RANBP2: variants seen among roughly 807,000 people sequenced by gnomAD.
RANBP2 encodes RAN binding protein 2, also known as E3 SUMO-protein ligase RanBP2.
Under a neutral mutation model 303.6 loss-of-function variants are expected in RANBP2, and 57 were observed. The observed-to-expected ratio is 0.19, with a 90% CI of 0.15 to 0.23. The LOEUF (loss-of-function observed/expected upper bound fraction) is 0.23, where lower values mean the gene tolerates loss of function less well. Ranked by LOEUF, RANBP2 falls within the 10% of genes least tolerant of loss-of-function variation. The pLI is 1.00. For synonymous variants in RANBP2, 1,167 were observed against 1,301.5 expected (o/e 0.90, Z 2.23); for missense variants, 3,138 against 3,780.8 (o/e 0.83, Z 4.46).
chr2:109,419,195 G>GT, the RANBP2 span, among the ~76,000 whole-genome samples: 5,849 of 152,006 alleles, frequency 0.038, 122 homozygotes, highest in African/African-American at 0.062. Flanking sequence ...TTTTGTGTGG[G>GT]TTTTTTTTAA....
chr2:109,692,812 C>A, the RANBP2 span, among the ~76,000 whole-genome samples: 1 of 140,360 alleles, frequency 7.1e-6, no homozygotes, highest in Non-Finnish European at 1.6e-5. Flanking sequence ...TTTCTTTTTT[C>A]TTTCTTTCTT....
At chr2:109,180,004 A>C in the RANBP2 span, among the ~76,000 whole-genome samples, 6 of 152,198 alleles carry the variant, frequency 3.9e-5, no homozygotes, top group Admixed American at 2.0e-4. Context: ...TGCAAGAATC[A>C]GACCCATTCA....
the RANBP2 span, among the ~76,000 whole-genome samples, chr2:109,438,888 TTA>T: frequency 6.6e-6 from 1 of 152,124 alleles, no homozygotes; most frequent in Admixed American, 6.5e-5. Context: ...TCCCTTCTGG[TTA>T]TAAACATCTC....
At chr2:108,743,154 G>A (rs1696251181) in intron 7 of RANBP2, among the ~76,000 whole-genome samples, 1 of 152,202 alleles carries the variant, frequency 6.6e-6, no homozygotes, top group African/African-American at 2.4e-5. Context: ...GAGTCTTGCT[G>A]TGTCACCCGG....
the RANBP2 span, among the ~76,000 whole-genome samples, chr2:109,083,636 G>A: frequency 6.6e-6 from 1 of 151,822 alleles, no homozygotes. Context: ...TATCTCTCGG[G>A]GACTCTGCTT....
chr2:109,601,964 G>A, the RANBP2 span, among the ~76,000 whole-genome samples: 6 of 152,236 alleles, frequency 3.9e-5, no homozygotes, highest in African/African-American at 1.4e-4. Flanking sequence ...CGCTTCCCGA[G>A]GGAAAAACCA....
At chr2:108,975,242 A>G in the RANBP2 span, among the ~76,000 whole-genome samples, 1 of 152,210 alleles carries the variant, frequency 6.6e-6, no homozygotes, top group Non-Finnish European at 1.5e-5. Flanking sequence ...CAGGGATAGC[A>G]GCTGCGGCCT....
the RANBP2 span, among the ~76,000 whole-genome samples, chr2:109,082,244 C>T: frequency 6.6e-6 from 1 of 152,220 alleles, no homozygotes; most frequent in Non-Finnish European, 1.5e-5. Flanking sequence ...GGTTAGGATT[C>T]CAGGACTCAG....
chr2:109,520,849 TTGAA>T, the RANBP2 span, among the ~76,000 whole-genome samples: 13 of 107,660 alleles, frequency 1.2e-4, 1 homozygote, highest in Non-Finnish European at 2.2e-4. Flanking sequence ...GGAGAATCGC[TTGAA>T]CCTGGAAGGC....
In RANBP2 at chr2:108,772,548, G is replaced by C; in HGVS notation, c.8080G>C (p.Glu2694Gln). Reference protein sequence around the residue: ...LNGKLYLDGSEKCRPLEENTA... With the variant: ...LNGKLYLDGSQKCRPLEENTA... ...TGGAAAACTATATTTGGATGGCTCA[G>C]AAAAATGTAGACCCTTGGAAGAAAA... Residue 2694 changes from glutamate (E) to glutamine (Q), a missense_variant, in exon 22 of 29, where the codon GAA (glutamate) becomes CAA (glutamine). Glu to Gln is a conservative substitution (Grantham distance 29). Transcript: ENST00000283195. 1 of 1,613,810 alleles carries C rather than the reference G, an allele frequency of 6.2e-7. No individual in the cohort carries two copies. Among genetic ancestry groups the C allele is most frequent in the East Asian group, 2.2e-5 (1 of 44,800 alleles).
At chr2:109,055,366 C>CTTTTTCTTTTTCTTTTTTTT in the RANBP2 span, among the ~76,000 whole-genome samples, 4 of 133,460 alleles carry the variant, frequency 3.0e-5, no homozygotes, top group African/African-American at 1.1e-4. Flanking sequence ...TTTTTCTTTT[C>CTTTTTCTTTTTCTTTTTTTT]TTTTTTTTTT....
At chr2:109,061,806 T>A in the RANBP2 span, among the ~76,000 whole-genome samples, 2 of 152,174 alleles carry the variant, frequency 1.3e-5, no homozygotes, top group African/African-American at 4.8e-5. Context: ...GCATTTAAGG[T>A]CTGGTGGGCC....
At chr2:109,159,267 C>G in the RANBP2 span, among the ~76,000 whole-genome samples, 1 of 152,204 alleles carries the variant, frequency 6.6e-6, no homozygotes, top group Non-Finnish European at 1.5e-5. Context: ...TGGGCTCTAT[C>G]CCGGCGCAGC....
chr2:108,906,324 C>G, the RANBP2 span: 27 of 1,614,212 alleles, frequency 1.7e-5, no homozygotes, highest in Non-Finnish European at 2.2e-5. Context: ...CGACTCCACA[C>G]ACGTTGGCAT....
chr2:109,490,197 A>T, the RANBP2 span, among the ~76,000 whole-genome samples: 1 of 152,350 alleles, frequency 6.6e-6, no homozygotes, highest in South Asian at 2.1e-4. Context: ...CAAGATGTCC[A>T]TGTAGGCACC....
the RANBP2 span, among the ~76,000 whole-genome samples, chr2:109,078,100 A>ATATATATATATATATATATATGTCG: frequency 2.9e-5 from 2 of 70,006 alleles, 1 homozygote; most frequent in African/African-American, 1.0e-4. Flanking sequence ...ATATATATAT[A>ATATATATATATATATATATATGTCG]TATATATATA....
At chr2:109,223,285 G>A in the RANBP2 span, among the ~76,000 whole-genome samples, 7 of 152,324 alleles carry the variant, frequency 4.6e-5, no homozygotes, top group South Asian at 6.2e-4. Flanking sequence ...CAGAGGCTGC[G>A]TGAGCACCAG....
the RANBP2 span, among the ~76,000 whole-genome samples, chr2:109,090,764 C>A: frequency 6.6e-6 from 1 of 152,040 alleles, no homozygotes; most frequent in African/African-American, 2.4e-5. Flanking sequence ...AAGCGTAGAA[C>A]TATTAAAAAT....
chr2:109,380,710 G>A, the RANBP2 span, among the ~76,000 whole-genome samples: 1 of 152,330 alleles, frequency 6.6e-6, no homozygotes, highest in Admixed American at 6.5e-5. Flanking sequence ...GGGGCACATG[G>A]AGCCTTGTGC....
Sources: allele counts gnomAD v4.1 joint callset (sites outside exome capture counted in the v4.1 genomes callset), GRCh38; gene constraint gnomAD v4.1.1; transcripts MANE v1.5; gene names NCBI Gene and HGNC (gene_info 2026-07-23, HGNC 2026-07-21).